ADCY2: variants seen among roughly 807,000 people sequenced by gnomAD.
ADCY2 encodes the protein adenylate cyclase type 2.
A neutral mutation model predicts 125.2 loss-of-function variants in ADCY2; 31 were observed. The observed-to-expected ratio is 0.25, with a 90% CI of 0.19 to 0.33. The LOEUF (loss-of-function observed/expected upper bound fraction) is 0.33, where lower values mean the gene tolerates loss of function less well. Among genes scored for constraint, ADCY2 ranks in the 10% least tolerant of loss-of-function variants. The pLI, the probability that ADCY2 is intolerant of heterozygous loss-of-function variation, is 1.00. For missense variants in ADCY2, 904 were observed against 1,418.2 expected, an observed-to-expected ratio of 0.64 and a Z score of 5.82; for synonymous variants, 512 against 548.4, an observed-to-expected ratio of 0.93 and a Z score of 0.93.
At chr5:7,621,502 A>ATATTCTAC (rs1318707813) in intron 3 of ADCY2, among the ~76,000 whole-genome samples, 1 of 152,226 alleles carries the variant, frequency 6.6e-6, no homozygotes, top group African/African-American at 2.4e-5. Flanking sequence ...GGCTGTGTAG[A>ATATTCTAC]ATATACAGGG....
At chr5:7,591,790 C>T (rs1053767370) in intron 3 of ADCY2, among the ~76,000 whole-genome samples, 1 of 152,168 alleles carries the variant, frequency 6.6e-6, no homozygotes. Context: ...GATATTATGC[C>T]TCTGAGTTTT....
At chr5:7,589,941 G>T (rs1291118300) in intron 3 of ADCY2, among the ~76,000 whole-genome samples, 1 of 152,114 alleles carries the variant, frequency 6.6e-6, no homozygotes, top group South Asian at 2.1e-4. Context: ...ATTCCAAAAG[G>T]CCTCTTGGTC....
intron 3 of ADCY2, among the ~76,000 whole-genome samples, chr5:7,543,689 C>T (rs1210478802): frequency 6.6e-6 from 1 of 151,956 alleles, no homozygotes; most frequent in Non-Finnish European, 1.5e-5. Context: ...GAGAGATGCA[C>T]TCATCAATAG....
At chr5:7,666,164 C>A (rs961754432) in intron 4 of ADCY2, among the ~76,000 whole-genome samples, 11 of 151,430 alleles carry the variant, frequency 7.3e-5, no homozygotes, top group African/African-American at 2.7e-4. Context: ...GAAAAAAAGT[C>A]TTTAATCACT....
intron 3 of ADCY2, among the ~76,000 whole-genome samples, chr5:7,625,359 A>C (rs1738085158): frequency 6.6e-6 from 1 of 152,266 alleles, no homozygotes; most frequent in Non-Finnish European, 1.5e-5. Context: ...TCTTGGAACA[A>C]GATAGAGGTC....
chr5:7,754,726 C>CA (rs1159114554), intron 15 of ADCY2, among the ~76,000 whole-genome samples: 10 of 4,570 alleles, frequency 2.2e-3, no homozygotes, highest in Non-Finnish European at 3.1e-3. Flanking sequence ...ACAAAACAAA[C>CA]AAACAAAAAA....
At chr5:7,669,042 G>A (rs927538792) in intron 4 of ADCY2, among the ~76,000 whole-genome samples, 1 of 152,172 alleles carries the variant, frequency 6.6e-6, no homozygotes, top group Non-Finnish European at 1.5e-5. Flanking sequence ...GCCATCCTGG[G>A]CCTGATGGTG....
In ADCY2 at chr5:7,534,429, T is replaced by A. The variant is rs535082693; in HGVS notation, c.570+13530T>A. 1.5e-3 allele frequency among the ~76,000 whole-genome samples: 225 copies of A among 152,366 alleles called. 1 individual carries two copies. The highest frequency in any genetic ancestry group is 5.2e-3 in the African/African-American group (215 of 41,590). ...AATGGTTTTTAACCTTTTCTTTAGTTTCTTAAAAATTTATTTTTTATGCCA... is the reference window on the plus strand; with the variant it reads ...AATGGTTTTTAACCTTTTCTTTAGTATCTTAAAAATTTATTTTTTATGCCA... On this transcript the variant is annotated intron_variant, in intron 3 of 24. Transcript: ENST00000338316.
intron 2 of ADCY2, among the ~76,000 whole-genome samples, chr5:7,419,332 C>T (rs1172051973): frequency 6.6e-6 from 1 of 152,154 alleles, no homozygotes; most frequent in Non-Finnish European, 1.5e-5. Context: ...TACAGATGCA[C>T]TTTGGCAAAG....
At chr5:7,705,301 T>G (rs1451164960) in intron 7 of ADCY2, among the ~76,000 whole-genome samples, 1 of 152,246 alleles carries the variant, frequency 6.6e-6, no homozygotes, top group Non-Finnish European at 1.5e-5. Context: ...ACTTGGAGAT[T>G]GTGTCCACCC....
intron 4 of ADCY2, among the ~76,000 whole-genome samples, chr5:7,687,929 G>A (rs1231012597): frequency 6.6e-6 from 1 of 152,152 alleles, no homozygotes. Context: ...CTGTGGCTTG[G>A]TGCATTTCAT....
chr5:7,805,573 C>T (rs1744735365), intron 22 of ADCY2, among the ~76,000 whole-genome samples: 1 of 152,086 alleles, frequency 6.6e-6, no homozygotes, highest in Non-Finnish European at 1.5e-5. Context: ...GTGGAGCCTG[C>T]CCTCTGCTGG....
chr5:7,574,417 T>C (rs1736178506), intron 3 of ADCY2, among the ~76,000 whole-genome samples: 1 of 152,116 alleles, frequency 6.6e-6, no homozygotes, highest in African/African-American at 2.4e-5. Context: ...GTTGATTTTC[T>C]TAATGGCTAA....
chr5:7,760,574 A>C (rs1372177024), intron 16 of ADCY2, among the ~76,000 whole-genome samples: 1 of 152,238 alleles, frequency 6.6e-6, no homozygotes, highest in Non-Finnish European at 1.5e-5. Context: ...CATATGAGTT[A>C]GGGGACAATA....
chr5:7,703,280 T>C (rs1741150912), intron 7 of ADCY2, among the ~76,000 whole-genome samples: 1 of 152,254 alleles, frequency 6.6e-6, no homozygotes, highest in African/African-American at 2.4e-5. Flanking sequence ...TTTGGTGTTT[T>C]AGACATGAAG....
In ADCY2 at chr5:7,709,202, C is replaced by A; in HGVS notation, c.1402-9C>A. On this transcript the variant is annotated splice_polypyrimidine_tract_variant and intron_variant, in intron 9 of 24. Coordinates refer to ENST00000338316, the MANE Select transcript of ADCY2 (RefSeq NM_020546.3). This position sits in a 1 kb window ranked among gnomAD's most constrained non-coding sequence, Gnocchi z 4.4. ...GTGCCAGGTGTGATGCTTTGTTTCT[C>A]ACCCCAAGGGAGAACGACGGAGCCC... The A allele has an allele frequency of 6.3e-7, 1 of 1,591,974 alleles. No individual in the cohort carries two copies. The highest frequency in any genetic ancestry group is 1.1e-5 in the South Asian group (1 of 87,668).
At chr5:7,628,970 G>T (rs1169093426) in intron 4 of ADCY2, among the ~76,000 whole-genome samples, 1 of 152,214 alleles carries the variant, frequency 6.6e-6, no homozygotes. Flanking sequence ...TCAAATTCAG[G>T]TTTGGGTTCC....
intron 22 of ADCY2, among the ~76,000 whole-genome samples, chr5:7,814,143 A>G (rs1157875994): frequency 6.6e-6 from 1 of 152,202 alleles, no homozygotes; most frequent in African/African-American, 2.4e-5. Flanking sequence ...TTGTAGTTAC[A>G]TGGTTTTTCT....
intron 2 of ADCY2, among the ~76,000 whole-genome samples, chr5:7,487,848 A>T (rs10512925): frequency 3.9e-5 from 6 of 152,114 alleles, no homozygotes; most frequent in African/African-American, 1.4e-4. Flanking sequence ...GTTTTCTTTC[A>T]GGACCAAAAT....
Sources: gnomAD v4.1 joint callset for allele counts (sites outside exome capture counted in the v4.1 genomes callset) on GRCh38, gnomAD v4.1.1 for gene constraint, Gnocchi (gnomAD v3.1) non-coding constraint, MANE v1.5 for transcripts, NCBI Gene and HGNC (gene_info 2026-07-23, HGNC 2026-07-21) for gene names.